ZNF407: variants seen among roughly 807,000 people sequenced by gnomAD.
ZNF407 encodes zinc finger protein 407.
Under a neutral mutation model 131.2 loss-of-function variants are expected in ZNF407, and 17 were observed. That is an observed-to-expected ratio of 0.13 (90% confidence interval 0.09 to 0.19). The LOEUF (loss-of-function observed/expected upper bound fraction) is 0.19, where lower values mean the gene tolerates loss of function less well. ZNF407 is among the 10% of genes least tolerant of loss of function. The pLI is 1.00. For missense variants in ZNF407, 2,681 were observed against 2,830.6 expected (o/e 0.95, Z 1.20); for synonymous variants, 1,156 against 1,062.0 (o/e 1.09, Z -1.72).
intron 3 of ZNF407, among the ~76,000 whole-genome samples, chr18:74,726,609 A>T (rs559805415): frequency 6.6e-6 from 1 of 152,250 alleles, no homozygotes; most frequent in East Asian, 1.9e-4. Context: ...GCTACCAATG[A>T]TTGTTTTTAT....
chr18:75,038,008 ATAAT>A (rs1387226270), intron 8 of ZNF407, among the ~76,000 whole-genome samples: 3 of 152,232 alleles, frequency 2.0e-5, no homozygotes, highest in East Asian at 1.9e-4. Context: ...CTAAATATCC[ATAAT>A]TAATCAGCAA....
At chr18:74,708,110 A>C (rs1482199030) in intron 3 of ZNF407, among the ~76,000 whole-genome samples, 1 of 152,202 alleles carries the variant, frequency 6.6e-6, no homozygotes, top group East Asian at 1.9e-4. Context: ...ATCATGGTTA[A>C]ATAAAAGAAA....
chr18:74,746,004 T>C (rs1264097562), intron 3 of ZNF407, among the ~76,000 whole-genome samples: 1 of 152,260 alleles, frequency 6.6e-6, no homozygotes, highest in South Asian at 2.1e-4. Flanking sequence ...AGTTAGGCGA[T>C]TTTGTTACTG....
intron 3 of ZNF407, among the ~76,000 whole-genome samples, chr18:74,658,021 CTTCTT>C (rs1467079442): frequency 3.3e-5 from 5 of 151,528 alleles, no homozygotes; most frequent in South Asian, 4.2e-4. Flanking sequence ...TTTCCCTTCT[CTTCTT>C]CATGTGGAAC....
At chr18:74,765,439 T>A (rs1456055862) in intron 3 of ZNF407, among the ~76,000 whole-genome samples, 1 of 152,218 alleles carries the variant, frequency 6.6e-6, no homozygotes, top group East Asian at 1.9e-4. Flanking sequence ...TTAATTTACA[T>A]GAAAATGATT....
At chr18:74,910,522 CT>C (rs1407101859) in intron 7 of ZNF407, among the ~76,000 whole-genome samples, 2 of 151,908 alleles carry the variant, frequency 1.3e-5, no homozygotes. Context: ...TCACTTAAGT[CT>C]TTTTTTAGTT....
In ZNF407 at chr18:74,970,897, C is replaced by T. The variant is rs944547680; in HGVS notation, c.5428+50205C>T. On this transcript the variant is annotated intron_variant, in intron 8 of 8. Transcript: ENST00000299687. ...AGAGGCTCTCCATGAGGGCCCTGCCCCTGCAGCAAACTTTTGCCTGGACAT... is the reference window on the plus strand; with the variant it reads ...AGAGGCTCTCCATGAGGGCCCTGCCTCTGCAGCAAACTTTTGCCTGGACAT... Among the ~76,000 whole-genome samples the T allele has an allele frequency of 3.9e-5, 6 of 152,248 alleles. No homozygotes were observed. The East Asian group carries it at 1.2e-3, about 29-fold the overall frequency.
chr18:74,874,068 G>C (rs1285090897), intron 4 of ZNF407, among the ~76,000 whole-genome samples: 3 of 152,090 alleles, frequency 2.0e-5, no homozygotes, highest in Non-Finnish European at 2.9e-5. Context: ...TTTCAATTCT[G>C]TTAGCACTGT....
chr18:74,599,521 A>G (rs1231424940), intron 1 of ZNF407, among the ~76,000 whole-genome samples: 2 of 152,192 alleles, frequency 1.3e-5, no homozygotes, highest in African/African-American at 4.8e-5. Flanking sequence ...ACACATAAAT[A>G]AATATATATA....
intron 8 of ZNF407, among the ~76,000 whole-genome samples, chr18:75,030,362 G>A (rs1432808331): frequency 1.3e-5 from 2 of 152,246 alleles, no homozygotes; most frequent in East Asian, 3.9e-4. Context: ...AAATCACACT[G>A]TGGATTAAAT....
intron 8 of ZNF407, among the ~76,000 whole-genome samples, chr18:74,958,275 T>C (rs1197306565): frequency 6.6e-6 from 1 of 152,062 alleles, no homozygotes; most frequent in Non-Finnish European, 1.5e-5. Context: ...TGAGTGTGGG[T>C]TAGGGATGTC....
At chr18:74,813,600 C>G (rs1970228378) in intron 4 of ZNF407, among the ~76,000 whole-genome samples, 1 of 152,094 alleles carries the variant, frequency 6.6e-6, no homozygotes, top group African/African-American at 2.4e-5. Context: ...TTTCTCTTAC[C>G]CCACTGGAGC....
intron 4 of ZNF407, among the ~76,000 whole-genome samples, chr18:74,855,355 A>G (rs1352470812): frequency 6.6e-6 from 1 of 152,182 alleles, no homozygotes; most frequent in Admixed American, 6.5e-5. Flanking sequence ...GTGATCCATA[A>G]TAATAAAGCA....
intron 7 of ZNF407, among the ~76,000 whole-genome samples, chr18:74,902,204 G>T (rs1391141058): frequency 6.6e-6 from 1 of 152,156 alleles, no homozygotes; most frequent in Non-Finnish European, 1.5e-5. Context: ...CCCACTGCTG[G>T]CCTGCGTGGA....
rs369580375 is a variant in ZNF407 at position 74,734,775 on chromosome 18, C to T, written c.4803-46653C>T. On this transcript the variant is annotated intron_variant, in intron 3 of 8. Coordinates refer to ENST00000299687, the MANE Select transcript of ZNF407 (RefSeq NM_017757.3). ...GGTGTTCTAGGTTGACATGTACAAA[C>T]AAGGCTGACATTTAGTTGAGATGTT... Among the ~76,000 whole-genome samples, 7 of 151,486 alleles carry T rather than the reference C, an allele frequency of 4.6e-5. No individual in the cohort carries two copies. In the South Asian group the frequency reaches 1.5e-3, roughly 32 times the overall value.
intron 8 of ZNF407, among the ~76,000 whole-genome samples, chr18:75,019,647 A>G (rs1233337193): frequency 6.6e-6 from 1 of 152,046 alleles, no homozygotes; most frequent in African/African-American, 2.4e-5. Context: ...TATTTTCTGT[A>G]TTAGTCTCTT....
chr18:74,918,696 GTTCTAGTCCTTTTTTAT>G (rs1971806164), intron 7 of ZNF407, among the ~76,000 whole-genome samples: 1 of 151,800 alleles, frequency 6.6e-6, no homozygotes, highest in African/African-American at 2.4e-5. Context: ...AATATCTGTT[GTTCTAGTCCTTTTTTAT>G]TTTTTAAAAA....
intron 1 of ZNF407, among the ~76,000 whole-genome samples, chr18:74,605,262 T>G (rs1311540222): frequency 6.6e-6 from 1 of 152,228 alleles, no homozygotes; most frequent in Non-Finnish European, 1.5e-5. Flanking sequence ...CCTAATCTTA[T>G]AAGGACTGGG....
At chr18:74,793,700 G>A (rs1416180821) in intron 4 of ZNF407, among the ~76,000 whole-genome samples, 1 of 152,216 alleles carries the variant, frequency 6.6e-6, no homozygotes, top group East Asian at 1.9e-4. Flanking sequence ...AATATGATGA[G>A]AAGAGTTGGG....
Sources: allele counts gnomAD v4.1 joint callset (sites outside exome capture counted in the v4.1 genomes callset), GRCh38; gene constraint gnomAD v4.1.1; transcripts MANE v1.5; gene names NCBI Gene and HGNC (gene_info 2026-07-23, HGNC 2026-07-21).